The following TM9SF4 variants were observed in gnomAD, a reference collection of about 807,000 sequenced individuals.
TM9SF4 encodes the protein transmembrane 9 superfamily member 4.
TM9SF4 carries 26 observed loss-of-function variants against 90.4 expected under a neutral mutation model. The ratio of observed to expected loss-of-function variants is 0.29; its 90% CI spans 0.21 to 0.40. The LOEUF (loss-of-function observed/expected upper bound fraction) is 0.40. Ranked by LOEUF, TM9SF4 falls within the 10% of genes least tolerant of loss-of-function variation. TM9SF4 has a pLI of 1.00. For missense variants in TM9SF4, 549 were observed against 834.8 expected (o/e 0.66, Z 4.22); for synonymous variants, 293 against 315.4 (o/e 0.93, Z 0.75).
chr20:32,146,732 T>C, intron 8 of TM9SF4, 53 bp from the exon 9 acceptor site: 1 of 1,572,906 alleles, frequency 6.4e-7, no homozygotes, highest in South Asian at 1.1e-5. Context: ...GCATGGAGCA[T>C]GGGCTTGCTG....
chr20:32,156,179 C>T (rs930733614), intron 13 of TM9SF4, among the ~76,000 whole-genome samples: 12 of 152,100 alleles, frequency 7.9e-5, no homozygotes, highest in African/African-American at 2.9e-4. Context: ...AAAATAACAG[C>T]AAACATTTAT....
chr20:32,124,852 G>A (rs1015478988), intron 1 of TM9SF4, among the ~76,000 whole-genome samples: 2 of 152,160 alleles, frequency 1.3e-5, no homozygotes, highest in Non-Finnish European at 2.9e-5. Flanking sequence ...TTCTCAAAGT[G>A]CTTGGATTAC....
At chr20:32,156,942 C>CTTTTTTTTT (rs71185385) in intron 13 of TM9SF4, among the ~76,000 whole-genome samples, 1,155 of 103,384 alleles carry the variant, frequency 0.011, 155 homozygotes, top group African/African-American at 0.041. Flanking sequence ...TGGACATTTT[C>CTTTTTTTTT]TTTTTTTTTT....
At chr20:32,127,482 T>TGTCAGTG (rs1443820731) in intron 1 of TM9SF4, among the ~76,000 whole-genome samples, 1 of 152,132 alleles carries the variant, frequency 6.6e-6, no homozygotes, top group Non-Finnish European at 1.5e-5. Context: ...AATCAATGTT[T>TGTCAGTG]GTCAGTGCCT....
chr20:32,154,226 G>A (rs918919119), intron 12 of TM9SF4, among the ~76,000 whole-genome samples: 2 of 151,336 alleles, frequency 1.3e-5, no homozygotes, highest in African/African-American at 4.9e-5. Flanking sequence ...TCGGCTCACT[G>A]CAACCTCTGC....
intron 9 of TM9SF4, 102 bp downstream of exon 9, chr20:32,146,957 C>A: frequency 4.0e-5 from 39 of 974,496 alleles, no homozygotes; most frequent in Non-Finnish European, 4.9e-5. Context: ...GAGGAAACCT[C>A]AAAATACTAA....
chr20:32,142,882 G>T, intron 5 of TM9SF4, 100 bp from the exon 6 acceptor site: 4 of 1,499,946 alleles, frequency 2.7e-6, no homozygotes, highest in Non-Finnish European at 2.7e-6. Context: ...TTTTAGGAAG[G>T]TTGGTACAAC....
At chr20:32,121,874 C>CG (rs1489442571) in intron 1 of TM9SF4, among the ~76,000 whole-genome samples, 1 of 144,734 alleles carries the variant, frequency 6.9e-6, no homozygotes, top group Non-Finnish European at 1.5e-5. Flanking sequence ...GCTGGCCGGG[C>CG]GGGGGGCTGA....
chr20:32,145,003 C>T (rs1032576478), intron 6 of TM9SF4, 88 bp from the exon 7 acceptor site: 2 of 1,254,930 alleles, frequency 1.6e-6, no homozygotes, highest in South Asian at 2.4e-5. Context: ...GTCTCCGCGA[C>T]AGGCAGCCTT....
At chr20:32,122,705 G>T (rs1017326138) in intron 1 of TM9SF4, among the ~76,000 whole-genome samples, 1 of 151,604 alleles carries the variant, frequency 6.6e-6, no homozygotes, top group Non-Finnish European at 1.5e-5. Flanking sequence ...AGGCAGAGGG[G>T]CTCCTCACAT....
intron 13 of TM9SF4, among the ~76,000 whole-genome samples, chr20:32,156,227 T>TTA (rs550371620): frequency 2.6e-5 from 4 of 152,272 alleles, no homozygotes; most frequent in East Asian, 1.9e-4. Context: ...TCTAAACACT[T>TTA]TATATATATA....
chr20:32,131,808 T>C (rs1166211683), intron 1 of TM9SF4, among the ~76,000 whole-genome samples: 2 of 152,172 alleles, frequency 1.3e-5, no homozygotes, highest in African/African-American at 2.4e-5. Context: ...AGAGATGCAA[T>C]GGACCTTTCT....
At position 32,165,792 on chromosome 20, in the gene TM9SF4, G is replaced by T; in HGVS notation, c.*348G>T. On this transcript the variant is annotated 3_prime_UTR_variant, in exon 18 of 18. Coordinates refer to ENST00000398022, the MANE Select transcript of TM9SF4 (RefSeq NM_014742.4). ...TGTTTTAACAAATGGATCCAGGATG[G>T]ATAAATCCACCGAGATAAGGGTTTT... The T allele has an allele frequency of 4.5e-6, 1 of 220,018 alleles. No homozygotes were observed. Among genetic ancestry groups the T allele is most frequent in the Non-Finnish European group, 9.3e-6 (1 of 107,384 alleles). The allele number at this position is 220,018 out of a possible 1,614,324, so 13.6% of individuals were successfully genotyped here. A position where few individuals can be genotyped will look rare whatever the true frequency, so the allele number is the denominator to read the frequency against.
chr20:32,123,866 A>ATATATAGATATAT, intron 1 of TM9SF4, among the ~76,000 whole-genome samples: 1 of 93,980 alleles, frequency 1.1e-5, no homozygotes, highest in Admixed American at 1.2e-4. Context: ...ATATATATAT[A>ATATATAGATATAT]TTTTTTTTTT....
At chr20:32,146,981 AC>A in intron 9 of TM9SF4, 126 bp downstream of exon 9, 3 of 818,860 alleles carry the variant, frequency 3.7e-6, no homozygotes, top group East Asian at 3.0e-5. Context: ...AGTTTAGTAT[AC>A]TTTTTTTTTT....
intron 1 of TM9SF4, among the ~76,000 whole-genome samples, chr20:32,113,262 C>G (rs954153000): frequency 3.3e-5 from 5 of 152,188 alleles, no homozygotes; most frequent in Non-Finnish European, 2.9e-5. Flanking sequence ...AATGGCTCTT[C>G]TTCCCCAAGG....
intron 1 of TM9SF4, among the ~76,000 whole-genome samples, chr20:32,122,793 G>A (rs892357886): frequency 5.3e-5 from 8 of 152,088 alleles, no homozygotes; most frequent in Non-Finnish European, 7.4e-5. Flanking sequence ...CTGCAATCTC[G>A]GCACTTTGGG....
chr20:32,143,823 C>T (rs1444593926), intron 6 of TM9SF4, among the ~76,000 whole-genome samples: 1 of 152,002 alleles, frequency 6.6e-6, no homozygotes, highest in East Asian at 1.9e-4. Flanking sequence ...CTCCATAGCA[C>T]ATCTCCCCTG....
intron 10 of TM9SF4, 120 bp downstream of exon 10, chr20:32,149,886 G>T: frequency 2.9e-6 from 4 of 1,398,286 alleles, no homozygotes; most frequent in Non-Finnish European, 3.9e-6. Flanking sequence ...CACCAAGTGG[G>T]CATGTCAGTA....
Sources: allele counts gnomAD v4.1 joint callset (sites outside exome capture counted in the v4.1 genomes callset), GRCh38; gene constraint gnomAD v4.1.1; transcripts MANE v1.5; gene names NCBI Gene and HGNC (gene_info 2026-07-23, HGNC 2026-07-21).